DMD: variants seen among roughly 807,000 people sequenced by gnomAD.
DMD encodes the protein mutant dystrophin.
DMD carries 63 observed loss-of-function variants against 330.1 expected under a neutral mutation model. The ratio of observed to expected loss-of-function variants is 0.19; its 90% confidence interval spans 0.16 to 0.24. DMD has a LOEUF of 0.24. DMD is among the 10% of genes least tolerant of loss of function. DMD has a pLI of 1.00. For missense variants in DMD, 3,344 were observed against 2,684.1 expected (o/e 1.25, Z -5.43); for synonymous variants, 1,223 against 959.8 (o/e 1.27, Z -5.07).
chrX:32,592,973 G>A (rs1034645312), intron 13 of DMD, among the ~76,000 whole-genome samples: 1 of 113,032 alleles, frequency 8.8e-6, no homozygotes, highest in African/African-American at 3.2e-5. Context: ...CGCTGCAGCT[G>A]GCATGCCTGT....
At chrX:31,951,706 C>G (rs1047210058) in intron 45 of DMD, among the ~76,000 whole-genome samples, 1 of 110,819 alleles carries the variant, frequency 9.0e-6, no homozygotes, top group Non-Finnish European at 1.9e-5. Context: ...AATTTTTATG[C>G]AATCTTAGGT....
At chrX:31,398,216 C>T (rs2061034307) in intron 60 of DMD, among the ~76,000 whole-genome samples, 1 of 112,106 alleles carries the variant, frequency 8.9e-6, no homozygotes, top group African/African-American at 3.2e-5. Flanking sequence ...GTTGGCAAAG[C>T]AGACAGAATC....
intron 62 of DMD, among the ~76,000 whole-genome samples, chrX:31,293,218 T>TGTGAGTGTGTGTGTAGTCTGGTTTA (rs1569519895): frequency 1.3e-3 from 127 of 95,874 alleles, no homozygotes; most frequent in African/African-American, 5.2e-3. Flanking sequence ...TGTGTGTGTG[T>TGTGAGTGTGTGTGTAGTCTGGTTTA]GTGTGTGTGT....
chrX:31,637,938 A>T (rs2079509845), intron 54 of DMD, among the ~76,000 whole-genome samples: 1 of 111,585 alleles, frequency 9.0e-6, no homozygotes, highest in South Asian at 3.7e-4. Context: ...CAGATATTCA[A>T]TCTTTGGAAT....
At chrX:32,152,789 T>C (rs1447183402) in intron 44 of DMD, among the ~76,000 whole-genome samples, 2 of 111,903 alleles carry the variant, frequency 1.8e-5, no homozygotes, top group Non-Finnish European at 3.8e-5. Flanking sequence ...AGAAAAAGAA[T>C]GTCCTATTTC....
intron 7 of DMD, among the ~76,000 whole-genome samples, chrX:32,746,724 T>C (rs1465231636): frequency 8.9e-6 from 1 of 111,969 alleles, no homozygotes; most frequent in Non-Finnish European, 1.9e-5. Flanking sequence ...AAATCCTCTC[T>C]TCTAGCTATT....
intron 11 of DMD, among the ~76,000 whole-genome samples, chrX:32,614,757 G>A (rs903652837): frequency 1.6e-4 from 18 of 111,256 alleles, no homozygotes; most frequent in African/African-American, 4.9e-4. Flanking sequence ...GCAGTTGTTC[G>A]TTTACATTCT....
chrX:31,847,602 A>G (rs1244262749), intron 48 of DMD, among the ~76,000 whole-genome samples: 2 of 111,839 alleles, frequency 1.8e-5, no homozygotes, highest in Non-Finnish European at 3.8e-5. Context: ...CAATTATCCT[A>G]AAAATTAAAG....
chrX:31,997,784 C>T (rs1458204197), intron 44 of DMD, among the ~76,000 whole-genome samples: 1 of 110,953 alleles, frequency 9.0e-6, no homozygotes, highest in Non-Finnish European at 1.9e-5. Context: ...AGCACATTTT[C>T]GTCTGTCAGT....
intron 1 of DMD, among the ~76,000 whole-genome samples, chrX:33,251,607 G>C (rs1386004764): frequency 1.8e-5 from 2 of 111,795 alleles, no homozygotes; most frequent in Non-Finnish European, 3.8e-5. Flanking sequence ...CTGGTATTCA[G>C]GTATATAGTG....
chrX:33,242,272 T>A lies in DMD; in HGVS notation c.7+96987A>T, dbSNP rs186879356. On this transcript the variant is annotated intron_variant, in intron 1 of 17. Transcript: ENST00000288447. ...TATCCCTTGCCTCCCCCAACTCTTC[T>A]CCCCAAGTCCCCAAAGTCCATTGTA... Among the ~76,000 whole-genome samples, 390 of 111,062 alleles carry A rather than the reference T, an allele frequency of 3.5e-3. 2 individuals are homozygous for A. The highest frequency in any genetic ancestry group is 0.014 in the Middle Eastern group (3 of 217).
intron 7 of DMD, among the ~76,000 whole-genome samples, chrX:32,735,778 A>G (rs2068379429): frequency 8.9e-6 from 1 of 112,173 alleles, no homozygotes; most frequent in Admixed American, 9.5e-5. Context: ...ACATGGATTA[A>G]AAACTTAAAC....
intron 2 of DMD, among the ~76,000 whole-genome samples, chrX:32,997,394 C>T (rs902144149): frequency 3.6e-5 from 4 of 110,691 alleles, no homozygotes; most frequent in Non-Finnish European, 7.6e-5. Flanking sequence ...TACAGGCACG[C>T]GCCACCATGC....
At chrX:32,337,246 G>A (rs1244379754) in intron 41 of DMD, among the ~76,000 whole-genome samples, 3 of 110,797 alleles carry the variant, frequency 2.7e-5, no homozygotes, top group African/African-American at 9.8e-5. Context: ...CTAGGTTTCT[G>A]ACTTAAGTAA....
intron 52 of DMD, among the ~76,000 whole-genome samples, chrX:31,722,653 C>T (rs1415120974): frequency 3.6e-5 from 4 of 111,288 alleles, no homozygotes; most frequent in Non-Finnish European, 7.5e-5. Flanking sequence ...AGTTTCTATA[C>T]TTTATTCATG....
chrX:33,077,506 C>T (rs2094862586), intron 1 of DMD, among the ~76,000 whole-genome samples: 1 of 111,475 alleles, frequency 9.0e-6, no homozygotes, highest in Admixed American at 9.6e-5. Flanking sequence ...CTGGCTTCTT[C>T]CTGCTGATGG....
chrX:32,056,792 G>C (rs1003952793), intron 44 of DMD, among the ~76,000 whole-genome samples: 1 of 111,148 alleles, frequency 9.0e-6, no homozygotes, highest in African/African-American at 3.3e-5. Flanking sequence ...TCAGTATCCT[G>C]ATATCAAAGT....
At chrX:31,564,146 C>A (rs1026923142) in intron 55 of DMD, among the ~76,000 whole-genome samples, 1 of 111,132 alleles carries the variant, frequency 9.0e-6, no homozygotes, top group African/African-American at 3.3e-5. Flanking sequence ...CCTTCCGAGC[C>A]CTCAGAAGGA....
chrX:31,680,441 G>A lies in DMD; in HGVS notation c.7661-855C>T, dbSNP rs189226029. 7.4e-3 allele frequency among the ~76,000 whole-genome samples: 808 copies of A among 108,685 alleles called. 6 individuals are homozygous for A. Among genetic ancestry groups the A allele is most frequent in the African/African-American group, 0.025 (753 of 29,703 alleles). 94.4% of individuals were successfully genotyped at this position (108,685 alleles called of 115,157 possible). The stretch of plus-strand genomic sequence containing the variant: ...GCTGGAGTGCAATGGTGCAATCTCC[G>A]CTCACTGCAACCTCCGCCTCCCGGG... On this transcript the variant is annotated intron_variant, in intron 52 of 78. Transcript: ENST00000357033.
Sources: gnomAD v4.1 joint callset for allele counts (sites outside exome capture counted in the v4.1 genomes callset) on GRCh38, gnomAD v4.1.1 for gene constraint, MANE v1.5 for transcripts, NCBI Gene and HGNC (gene_info 2026-07-23, HGNC 2026-07-21) for gene names.